The following ANKFN1 variants were observed in gnomAD, a reference collection of about 807,000 sequenced individuals.
ANKFN1 encodes the protein ankyrin repeat and fibronectin type-III domain-containing protein 1.
Under a neutral mutation model 108.7 loss-of-function variants are expected in ANKFN1, and 74 were observed. The ratio of observed to expected loss-of-function variants is 0.68; its 90% confidence interval spans 0.56 to 0.83. ANKFN1 has a LOEUF of 0.83. ANKFN1 is among the 40% of genes least tolerant of loss of function. ANKFN1 has a pLI of 0.00. For missense variants in ANKFN1, 1,505 were observed against 1,382.3 expected (o/e 1.09, Z -1.41); for synonymous variants, 547 against 516.2 (o/e 1.06, Z -0.81).
chr17:56,347,536 C>T (rs576350789), intron 4 of ANKFN1, among the ~76,000 whole-genome samples: 1 of 152,088 alleles, frequency 6.6e-6, no homozygotes, highest in African/African-American at 2.4e-5. Flanking sequence ...CACTGATTCT[C>T]AAATGCTTGT....
chr17:56,055,557 G>GTA (rs1555588755), intron 4 of ANKFN1, among the ~76,000 whole-genome samples: 2 of 20,952 alleles, frequency 9.5e-5, no homozygotes, highest in Non-Finnish European at 2.0e-4. Context: ...TGTGTGTGTG[G>GTA]TATATATACA....
intron 3 of ANKFN1, among the ~76,000 whole-genome samples, chr17:56,265,707 G>C (rs1282297790): frequency 2.0e-5 from 3 of 152,016 alleles, no homozygotes; most frequent in Non-Finnish European, 4.4e-5. Flanking sequence ...ATATAAAATG[G>C]CATAGTATTT....
chr17:56,510,463 G>C lies in ANKFN1; in HGVS notation c.2645-10G>C, dbSNP rs1484762517. On this transcript the variant is annotated splice_polypyrimidine_tract_variant and intron_variant, in intron 20 of 20. Coordinates refer to ENST00000682825, the MANE Select transcript of ANKFN1 (RefSeq NM_001370326.1). Reference sequence around the variant, plus strand: ...TATATTTTTCCTAACCTCAGTTTCTGGCTTCGCAGATTCACAGCCCTGCTC... The same window carrying C: ...TATATTTTTCCTAACCTCAGTTTCTCGCTTCGCAGATTCACAGCCCTGCTC... The C allele has an allele frequency of 6.5e-7, 1 of 1,533,382 alleles. No individual in the cohort carries two copies. The highest frequency in any genetic ancestry group is 2.4e-5 in the East Asian group (1 of 40,908). The allele number at this position is 1,533,382 out of a possible 1,614,324, so 95.0% of individuals were successfully genotyped here.
chr17:56,322,364 C>T (rs1025574602), intron 3 of ANKFN1, among the ~76,000 whole-genome samples: 6 of 152,152 alleles, frequency 3.9e-5, no homozygotes, highest in Non-Finnish European at 8.8e-5. Context: ...CTTCACGGGC[C>T]TTCACACCAT....
At chr17:56,061,359 C>T (rs979815783) in intron 4 of ANKFN1, among the ~76,000 whole-genome samples, 3 of 132,100 alleles carry the variant, frequency 2.3e-5, no homozygotes, top group Non-Finnish European at 4.6e-5. Flanking sequence ...GCAACTTCTG[C>T]CTCCCAGGTT....
chr17:56,490,846 C>G (rs2051013266), intron 18 of ANKFN1, among the ~76,000 whole-genome samples: 1 of 151,992 alleles, frequency 6.6e-6, no homozygotes, highest in South Asian at 2.1e-4. Context: ...ATGGATCACT[C>G]ACACTCTCAC....
At chr17:56,304,304 G>A (rs977227109) in intron 3 of ANKFN1, among the ~76,000 whole-genome samples, 1 of 152,130 alleles carries the variant, frequency 6.6e-6, no homozygotes, top group African/African-American at 2.4e-5. Context: ...ACTCATCAGG[G>A]TGGTTATGTG....
rs1369192758 is a variant in ANKFN1, at chr17:56,516,526, A to C, written c.*5257A>C. ...GCTTTAAACCTCTGTAAACATGCAGATGAATCATGTATGGTGTGTTAAATG... is the reference window on the plus strand; with the variant it reads ...GCTTTAAACCTCTGTAAACATGCAGCTGAATCATGTATGGTGTGTTAAATG... On this transcript the variant is annotated 3_prime_UTR_variant, in exon 21 of 21. Coordinates refer to ENST00000682825, the MANE Select transcript of ANKFN1 (RefSeq NM_001370326.1). 6.6e-6 allele frequency among the ~76,000 whole-genome samples: 1 copy of C among 152,206 alleles called. No homozygotes were observed. Among genetic ancestry groups the C allele is most frequent in the Non-Finnish European group, 1.5e-5 (1 of 68,024 alleles).
At chr17:56,216,740 A>G (rs1267765271) in intron 2 of ANKFN1, among the ~76,000 whole-genome samples, 1 of 152,138 alleles carries the variant, frequency 6.6e-6, no homozygotes, top group Admixed American at 6.5e-5. Flanking sequence ...CCTATCTGTA[A>G]AGCAAAGCCT....
chr17:56,048,312 G>A (rs373641566), intron 4 of ANKFN1, among the ~76,000 whole-genome samples: 2 of 152,038 alleles, frequency 1.3e-5, no homozygotes, highest in African/African-American at 4.8e-5. Flanking sequence ...TTACTTCCTG[G>A]GGGGATGAAT....
At chr17:56,215,532 A>G (rs1455702320) in intron 2 of ANKFN1, among the ~76,000 whole-genome samples, 1 of 152,226 alleles carries the variant, frequency 6.6e-6, no homozygotes, top group Admixed American at 6.5e-5. Flanking sequence ...GCCCGAGAAG[A>G]AAGAATCTGA....
chr17:56,466,807 G>A (rs2050088724), intron 15 of ANKFN1, among the ~76,000 whole-genome samples: 1 of 152,164 alleles, frequency 6.6e-6, no homozygotes, highest in Admixed American at 6.5e-5. Flanking sequence ...TGGCCAATGA[G>A]CCAGTAAGAA....
At chr17:56,323,453 C>G (rs2045426984) in intron 3 of ANKFN1, 1 of 152,552 alleles carries the variant, frequency 6.6e-6, no homozygotes, top group South Asian at 2.1e-4. Flanking sequence ...TATAGAGCAC[C>G]AGTCTGCAGA....
intron 2 of ANKFN1, among the ~76,000 whole-genome samples, chr17:56,213,079 C>G (rs1042007986): frequency 1.3e-5 from 2 of 152,196 alleles, no homozygotes; most frequent in African/African-American, 4.8e-5. Context: ...CTCTTCTTCA[C>G]TAAATGGTAT....
chr17:56,336,219 G>T (rs1003825826), intron 4 of ANKFN1, among the ~76,000 whole-genome samples: 8 of 152,178 alleles, frequency 5.3e-5, no homozygotes, highest in African/African-American at 1.9e-4. Context: ...TCAGGATGAT[G>T]CTGGCTTCAT....
intron 1 of ANKFN1, among the ~76,000 whole-genome samples, chr17:56,199,550 C>T (rs1567832608): frequency 6.6e-6 from 1 of 152,136 alleles, no homozygotes; most frequent in Non-Finnish European, 1.5e-5. Flanking sequence ...TCTCCCCAGC[C>T]CAGCCCCTAA....
chr17:56,159,332 G>A (rs1909425687), intron 1 of ANKFN1, among the ~76,000 whole-genome samples: 4 of 152,192 alleles, frequency 2.6e-5, no homozygotes, highest in Non-Finnish European at 5.9e-5. Context: ...AGTCTGTAAT[G>A]ACCTAATTTC....
intron 6 of ANKFN1, among the ~76,000 whole-genome samples, chr17:56,359,790 C>G (rs2046468061): frequency 6.6e-6 from 1 of 152,152 alleles, no homozygotes; most frequent in East Asian, 1.9e-4. Flanking sequence ...TTTATGTAAA[C>G]AAACACACTA....
At chr17:56,478,192 T>C (rs986805370) in intron 16 of ANKFN1, among the ~76,000 whole-genome samples, 4 of 152,200 alleles carry the variant, frequency 2.6e-5, no homozygotes, top group African/African-American at 7.2e-5. Context: ...CATGAGCCCA[T>C]TAAAGAGGAT....
Sources: allele counts gnomAD v4.1 joint callset (sites outside exome capture counted in the v4.1 genomes callset), GRCh38; gene constraint gnomAD v4.1.1; transcripts MANE v1.5; gene names NCBI Gene and HGNC (gene_info 2026-07-23, HGNC 2026-07-21).